The following CLIC3 variants were observed in gnomAD, a reference collection of about 807,000 sequenced individuals.
CLIC3 encodes CLIC family member 3, also known as chloride intracellular channel protein 3.
A neutral mutation model predicts 19.9 loss-of-function variants in CLIC3; 29 were observed. The observed-to-expected ratio is 1.46, with a 90% confidence interval of 1.09 to 1.99. The LOEUF is 1.99. Ranked by LOEUF, CLIC3 falls within the 30% of genes most tolerant of loss-of-function variation. The probability of loss-of-function intolerance (pLI) is 0.00; values close to 1 mark genes in which losing one functional copy is unlikely to be tolerated. For synonymous variants in CLIC3, 143 were observed against 156.4 expected (o/e 0.91, Z 0.64); for missense variants, 365 against 342.6 (o/e 1.07, Z -0.52).
chr9:136,995,732 C>T lies in CLIC3; in HGVS notation c.59G>A (p.Gly20Asp), dbSNP rs1830695102. The T allele has an allele frequency of 1.9e-6, 3 of 1,589,094 alleles. No homozygotes were observed. Among genetic ancestry groups the T allele is most frequent in the African/African-American group, 1.3e-5 (1 of 74,610 alleles). The change falls in exon 2 of 6, where the codon GGT becomes GAT. Residue 20 changes from glycine (G) to aspartate (D), a missense_variant. By Grantham distance (94) the Gly-to-Asp change is moderately conservative. Transcript: ENST00000494426. ...GAGCCGCTGGCAGGAGGGGCAGTGA[C>T]CCACGCTCTCCCCGTCCTCACTCGC... is the stretch of plus-strand genomic sequence containing the variant. ...VKASEDGESV[G>D]HCPSCQRLFM... is the part of the protein sequence containing the mutation.
intron 1 of CLIC3, 33 bp downstream of exon 1, chr9:136,996,478 G>T: frequency 6.5e-7 from 1 of 1,548,724 alleles, no homozygotes; most frequent in Middle Eastern, 1.7e-4. Context: ...CTTCCTCCCA[G>T]ACACCCTCCC....
intron 1 of CLIC3, 129 bp downstream of exon 1, chr9:136,996,382 C>T: frequency 1.2e-6 from 1 of 843,234 alleles, no homozygotes; most frequent in Admixed American, 2.3e-5. Flanking sequence ...TGCCTGAGTC[C>T]CCCTAGCCAC....
chr9:136,996,298 G>A (rs374847263), intron 1 of CLIC3, among the ~76,000 whole-genome samples: 15 of 152,286 alleles, frequency 9.8e-5, no homozygotes, highest in African/African-American at 3.4e-4. Flanking sequence ...AGCCAAGGCT[G>A]GGAGCAGGAC....
chr9:136,996,291 C>A (rs977929485), intron 1 of CLIC3, among the ~76,000 whole-genome samples: 14 of 152,154 alleles, frequency 9.2e-5, no homozygotes, highest in Non-Finnish European at 1.9e-4. Context: ...GCCCAGGAGC[C>A]AAGGCTGGGA....
rs2131410561 is a variant in CLIC3, at chr9:136,995,470, A to G, written c.241T>C (p.Phe81Leu). The G allele has an allele frequency of 6.2e-7, 1 of 1,612,528 alleles. No individual in the cohort carries two copies. Among genetic ancestry groups the G allele is most frequent in the East Asian group, 2.2e-5 (1 of 44,862 alleles). The change falls in exon 3 of 6, where the codon TTT becomes CTT. Residue 81 changes from phenylalanine to leucine, a missense_variant. Physicochemically the swap from Phe to Leu is conservative, Grantham distance 22. Coordinates refer to ENST00000494426, the MANE Select transcript of CLIC3 (RefSeq NM_004669.3). ...GGCGGCCCCAGCGTCTCCTCCAGAA[A>G]GTCCTCGATCTGCAGCGTGTCTGTC... Reference protein sequence around the residue: ...AKTDTLQIEDFLEETLGPPDF... With the variant: ...AKTDTLQIEDLLEETLGPPDF...
chr9:136,995,110 G>T lies in CLIC3; in HGVS notation c.377-5C>A. 2 of 1,560,824 alleles carry T rather than the reference G, an allele frequency of 1.3e-6. No individual in the cohort carries two copies. The highest frequency in any genetic ancestry group is 2.4e-5 in the East Asian group (1 of 42,198). ...GCAGCAGCTGCTGGTACAGGGCTAG[G>T]GGGCAGGCGGCGCGGTGAGGACCAG... On this transcript the variant is annotated splice_polypyrimidine_tract_variant and splice_region_variant and intron_variant, in intron 4 of 5. Transcript: ENST00000494426.
chr9:136,996,390 C>T (rs1830704109), intron 1 of CLIC3, 121 bp downstream of exon 1: 1 of 906,172 alleles, frequency 1.1e-6, no homozygotes, highest in East Asian at 2.6e-5. Context: ...TCCCCCTAGC[C>T]ACCCACAGGA....
Position 136,994,967 on chromosome 9 carries a change from G to T in CLIC3, c.515C>A (p.Ala172Asp). 6.7e-7 allele frequency: 1 copy of T among 1,502,444 alleles called. No individual in the cohort carries two copies. The highest frequency in any genetic ancestry group is 8.8e-7 in the Non-Finnish European group (1 of 1,132,202). 93.1% of individuals were successfully genotyped at this position (1,502,444 alleles called of 1,614,324 possible). ...RFLDGDRLTLADCSLLPKLHI... is the reference protein window; with the variant it reads ...RFLDGDRLTLDDCSLLPKLHI... ...CAGCTTGGGCAGGAGGCTGCAGTCG[G>T]CCAGCGTGAGCCTGTCGCCGTCCAG... The change falls in exon 5 of 6, where the codon GCC becomes GAC. Residue 172 changes from alanine to aspartate, a missense_variant. Ala to Asp is a moderately radical substitution (Grantham distance 126). Transcript: ENST00000494426.
In CLIC3 at chr9:136,995,691, G is replaced by A; in HGVS notation, c.100C>T (p.Leu34Phe). ...SCQRLFMVLL[L>F]KGVPFTLTTV... ...GTGAGGGTGAAAGGTACGCCCTTGAGGAGCAGGACCATGAAGAGCCGCTGG... is the reference window on the plus strand; with the variant it reads ...GTGAGGGTGAAAGGTACGCCCTTGAAGAGCAGGACCATGAAGAGCCGCTGG... The change falls in exon 2 of 6, where the codon CTC becomes TTC. Residue 34 changes from leucine (L) to phenylalanine (F), a missense_variant. Coordinates refer to ENST00000494426, the MANE Select transcript of CLIC3 (RefSeq NM_004669.3). The A allele has an allele frequency of 6.2e-7, 1 of 1,608,624 alleles. No homozygotes were observed. The highest frequency in any genetic ancestry group is 1.1e-5 in the South Asian group (1 of 90,482).
rs770755146 is a variant in CLIC3 at position 136,995,728 on chromosome 9, G to A, written c.63C>T (p.His21=). 1.3e-6 allele frequency: 2 copies of A among 1,595,184 alleles called. No homozygotes were observed. The highest frequency in any genetic ancestry group is 1.3e-5 in the African/African-American group (1 of 74,702). Residue 21 remains histidine (H), a synonymous_variant, in exon 2 of 6, where the codon CAC becomes CAT. Coordinates refer to ENST00000494426, the MANE Select transcript of CLIC3 (RefSeq NM_004669.3). ...KASEDGESVG[H]CPSCQRLFMV... ...TGAAGAGCCGCTGGCAGGAGGGGCAGTGACCCACGCTCTCCCCGTCCTCAC... is the reference window on the plus strand; with the variant it reads ...TGAAGAGCCGCTGGCAGGAGGGGCAATGACCCACGCTCTCCCCGTCCTCAC...
In CLIC3 at chr9:136,994,957, G is replaced by T. The variant is rs111505970; in HGVS notation, c.525C>A (p.Ser175Arg). The change falls in exon 5 of 6, where the codon AGC (serine) becomes AGA (arginine). Residue 175 changes from serine (S) to arginine (R), a missense_variant. Coordinates refer to ENST00000494426, the MANE Select transcript of CLIC3 (RefSeq NM_004669.3). Reference protein sequence around the residue: ...DGDRLTLADCSLLPKLHIVDT... With the variant: ...DGDRLTLADCRLLPKLHIVDT... ...CGACGATGTGCAGCTTGGGCAGGAG[G>T]CTGCAGTCGGCCAGCGTGAGCCTGT... 2 of 1,502,760 alleles carry T rather than the reference G, an allele frequency of 1.3e-6. No homozygotes were observed. Among genetic ancestry groups the T allele is most frequent in the African/African-American group, 1.4e-5 (1 of 69,374 alleles). The allele number at this position is 1,502,760 out of a possible 1,614,324, so 93.1% of individuals were successfully genotyped here.
At chr9:136,995,147 C>T (rs1830680755) in intron 4 of CLIC3, 39 bp downstream of exon 4, 2 of 1,592,644 alleles carry the variant, frequency 1.3e-6, no homozygotes, top group Non-Finnish European at 8.5e-7. Context: ...CCCAGGGCGC[C>T]CTCCCGCCTG....
intron 1 of CLIC3, 151 bp downstream of exon 1, chr9:136,996,360 C>T: frequency 1.4e-6 from 1 of 706,760 alleles, no homozygotes; most frequent in Non-Finnish European, 2.4e-6. Context: ...CTTTACTCAG[C>T]CTCTGTAGGG....
In CLIC3 at chr9:136,995,109, G is replaced by A; in HGVS notation, c.377-4C>T. On this transcript the variant is annotated splice_polypyrimidine_tract_variant and splice_region_variant and intron_variant, in intron 4 of 5. Coordinates refer to ENST00000494426, the MANE Select transcript of CLIC3 (RefSeq NM_004669.3). ...CGCAGCAGCTGCTGGTACAGGGCTA[G>A]GGGGCAGGCGGCGCGGTGAGGACCA... 2 of 1,559,292 alleles carry A rather than the reference G, an allele frequency of 1.3e-6. No homozygotes were observed. The highest frequency in any genetic ancestry group is 1.7e-6 in the Non-Finnish European group (2 of 1,152,802).
intron 1 of CLIC3, 23 bp downstream of exon 1, chr9:136,996,488 C>A (rs1450674340): frequency 6.4e-7 from 1 of 1,552,422 alleles, no homozygotes; most frequent in South Asian, 1.2e-5. Flanking sequence ...GACACCCTCC[C>A]CGCAGCTGAG....
Position 136,995,529 on chromosome 9 carries a change from T to TGCGA in CLIC3, c.178_181dup (p.Gln61LeufsTer9). 2 of 1,612,470 alleles carry TGCGA rather than the reference T, an allele frequency of 1.2e-6. No homozygotes were observed. The highest frequency in any genetic ancestry group is 1.7e-5 in the Admixed American group (1 of 60,020). On this transcript the variant is annotated frameshift_variant, in exon 3 of 6. Coordinates refer to ENST00000494426, the MANE Select transcript of CLIC3 (RefSeq NM_004669.3). LOFTEE classifies it high-confidence loss of function. ...GCTGTCATAGAGCAGGATGGGCAGC[T>TGCGA]GCGAGCCGGGGGCGAAGTCCTTCAG...
At position 136,995,429 on chromosome 9, in the gene CLIC3, C is replaced by T. The variant is rs1191174580; in HGVS notation, c.269+13G>A. 4 of 1,612,190 alleles carry T rather than the reference C, an allele frequency of 2.5e-6. No individual in the cohort carries two copies. The highest frequency in any genetic ancestry group is 2.2e-5 in the East Asian group (1 of 44,860). On this transcript the variant is annotated intron_variant, in intron 3 of 5. Coordinates refer to ENST00000494426, the MANE Select transcript of CLIC3 (RefSeq NM_004669.3). ...CCCCCTCTTTTCCCCTCCCACCCTG[C>T]CGGGGCTCTCACTCGGGCGGCCCCA...
In CLIC3 at chr9:136,994,963, G is replaced by A; in HGVS notation, c.519C>T (p.Asp173=). The change falls in exon 5 of 6, where the codon GAC becomes GAT. Residue 173 remains aspartate (D), a synonymous_variant. Coordinates refer to ENST00000494426, the MANE Select transcript of CLIC3 (RefSeq NM_004669.3). ...FLDGDRLTLA[D]CSLLPKLHIV... Reference sequence around the variant, plus strand: ...TGTGCAGCTTGGGCAGGAGGCTGCAGTCGGCCAGCGTGAGCCTGTCGCCGT... The same window carrying A: ...TGTGCAGCTTGGGCAGGAGGCTGCAATCGGCCAGCGTGAGCCTGTCGCCGT... The A allele has an allele frequency of 6.7e-7, 1 of 1,499,822 alleles. No individual in the cohort carries two copies. Among genetic ancestry groups the A allele is most frequent in the Non-Finnish European group, 8.8e-7 (1 of 1,130,646 alleles). The allele number at this position is 1,499,822 out of a possible 1,614,324, so 92.9% of individuals were successfully genotyped here.
intron 3 of CLIC3, 74 bp downstream of exon 3, chr9:136,995,368 T>C: frequency 6.2e-7 from 1 of 1,609,296 alleles, no homozygotes; most frequent in African/African-American, 1.3e-5. Flanking sequence ...CCACAGCGCC[T>C]TCCTGGGCTC....
Sources: gnomAD v4.1 joint callset for allele counts (sites outside exome capture counted in the v4.1 genomes callset) on GRCh38, gnomAD v4.1.1 for gene constraint, MANE v1.5 for transcripts, NCBI Gene and HGNC (gene_info 2026-07-23, HGNC 2026-07-21) for gene names.